NWD2: variants seen among roughly 807,000 people sequenced by gnomAD.
NWD2 encodes NACHT and WD repeat domain containing 2.
NWD2 carries 37 observed loss-of-function variants against 132.7 expected under a neutral mutation model. That is an observed-to-expected ratio of 0.28 (90% CI 0.21 to 0.37). The LOEUF (loss-of-function observed/expected upper bound fraction) is 0.37, where lower values mean the gene tolerates loss of function less well. NWD2 is among the 10% of genes least tolerant of loss of function. The pLI, the probability that NWD2 is intolerant of heterozygous loss-of-function variation, is 1.00. For synonymous variants in NWD2, 705 were observed against 803.0 expected, an observed-to-expected ratio of 0.88 and a Z score of 2.06; for missense variants, 1,592 against 2,122.4, an observed-to-expected ratio of 0.75 and a Z score of 4.91.
At chr4:37,283,613 A>C (rs2109269177) in intron 1 of NWD2, among the ~76,000 whole-genome samples, 1 of 152,320 alleles carries the variant, frequency 6.6e-6, no homozygotes, top group African/African-American at 2.4e-5. Flanking sequence ...GTAAGACCCC[A>C]CAGTGTGTAA....
intron 1 of NWD2, among the ~76,000 whole-genome samples, chr4:37,275,491 G>A (rs1193561488): frequency 1.3e-5 from 2 of 152,110 alleles, no homozygotes; most frequent in African/African-American, 4.8e-5. Flanking sequence ...CGTGAAAATG[G>A]CCATACTGCC....
intron 3 of NWD2, among the ~76,000 whole-genome samples, chr4:37,390,498 C>T (rs1577687865): frequency 6.6e-6 from 1 of 151,758 alleles, no homozygotes. Context: ...GGGATGAATA[C>T]TGGAATTACC....
intron 3 of NWD2, among the ~76,000 whole-genome samples, chr4:37,379,162 G>A (rs992479812): frequency 6.6e-6 from 1 of 152,182 alleles, no homozygotes; most frequent in African/African-American, 2.4e-5. Context: ...TTATCCAGTG[G>A]TTTTTATACC....
At chr4:37,289,538 A>G (rs913250413) in intron 1 of NWD2, among the ~76,000 whole-genome samples, 2 of 152,178 alleles carry the variant, frequency 1.3e-5, no homozygotes, top group Admixed American at 1.3e-4. Flanking sequence ...TATTTTTATT[A>G]TATGTATTTC....
At chr4:37,349,266 C>A (rs1273476165) in intron 2 of NWD2, among the ~76,000 whole-genome samples, 1 of 152,160 alleles carries the variant, frequency 6.6e-6, no homozygotes, top group African/African-American at 2.4e-5. Context: ...ACACTGTCTT[C>A]CACAGTGGTC....
At position 37,318,020 on chromosome 4, in the gene NWD2, C is replaced by CTT. The variant is rs71185128; in HGVS notation, c.152-7899_152-7898dup. On this transcript the variant is annotated intron_variant, in intron 1 of 6. Coordinates refer to ENST00000309447, the MANE Select transcript of NWD2 (RefSeq NM_001144990.2). ...CTAATTTCTTTTTTCTTTTTTCTTT[C>CTT]TTTTTTTTTTTTTTTTTTGAGACGA... 2.9e-3 allele frequency among the ~76,000 whole-genome samples: 325 copies of CTT among 113,312 alleles called. 1 individual carries two copies. Among genetic ancestry groups the CTT allele is most frequent in the African/African-American group, 5.6e-3 (137 of 24,590 alleles). 74.3% of individuals were successfully genotyped at this position (113,312 alleles called of 152,430 possible). A position where few individuals can be genotyped will look rare whatever the true frequency, so the allele number is the denominator to read the frequency against.
At chr4:37,424,171 C>G (rs1459324853) in intron 3 of NWD2, among the ~76,000 whole-genome samples, 1 of 152,184 alleles carries the variant, frequency 6.6e-6, no homozygotes, top group African/African-American at 2.4e-5. Flanking sequence ...TCCTTGTGAA[C>G]AGTGCCCCAT....
At chr4:37,311,124 T>C (rs1718832597) in intron 1 of NWD2, among the ~76,000 whole-genome samples, 1 of 152,110 alleles carries the variant, frequency 6.6e-6, no homozygotes, top group Non-Finnish European at 1.5e-5. Flanking sequence ...AGCAGCGTGA[T>C]TTATAGTCCT....
intron 3 of NWD2, among the ~76,000 whole-genome samples, chr4:37,423,722 A>G (rs1309289254): frequency 1.3e-5 from 2 of 152,186 alleles, no homozygotes; most frequent in Non-Finnish European, 2.9e-5. Flanking sequence ...CAGAAACAAC[A>G]TCACATACCT....
intron 3 of NWD2, among the ~76,000 whole-genome samples, chr4:37,357,339 T>C (rs1370865378): frequency 6.6e-6 from 1 of 152,196 alleles, no homozygotes; most frequent in Non-Finnish European, 1.5e-5. Flanking sequence ...GTGTTCTTAA[T>C]ATTTATTTGC....
In NWD2 at chr4:37,352,158, G is replaced by T. The variant is rs112124691; in HGVS notation, c.241-4208G>T. Reference sequence around the variant, plus strand: ...TGCTGAGAAGAATGTATATTCTGTTGATTTGGGGTGGAGAGTTCTGTAGGT... The same window carrying T: ...TGCTGAGAAGAATGTATATTCTGTTTATTTGGGGTGGAGAGTTCTGTAGGT... On this transcript the variant is annotated intron_variant, in intron 2 of 6. Coordinates refer to ENST00000309447, the MANE Select transcript of NWD2 (RefSeq NM_001144990.2). Among the ~76,000 whole-genome samples the T allele has an allele frequency of 5.1e-3, 778 of 152,298 alleles. 10 individuals are homozygous for T. The highest frequency in any genetic ancestry group is 0.018 in the African/African-American group (735 of 41,568).
intron 3 of NWD2, among the ~76,000 whole-genome samples, chr4:37,406,189 G>T (rs1720999112): frequency 6.6e-6 from 1 of 152,192 alleles, no homozygotes; most frequent in Non-Finnish European, 1.5e-5. Flanking sequence ...AATAAATGCA[G>T]AGTAAGTGAT....
chr4:37,446,923 A>C lies in NWD2; in HGVS notation c.4935A>C (p.Val1645=). ...FDDGSIGIYT[V]VDRVDAALKI... ...ATGGGAGTATAGGGATCTACACGGT[A>C]GTAGACCGTGTAGATGCTGCACTGA... The change falls in exon 7 of 7, where the codon GTA becomes GTC. Residue 1645 remains valine, a synonymous_variant. Coordinates refer to ENST00000309447, the MANE Select transcript of NWD2 (RefSeq NM_001144990.2). The surrounding 1 kb of genome is among the most constrained non-coding windows in gnomAD (Gnocchi z 6.7). 6 of 1,551,562 alleles carry C rather than the reference A, an allele frequency of 3.9e-6. No individual in the cohort carries two copies. Among genetic ancestry groups the C allele is most frequent in the Admixed American group, 3.9e-5 (2 of 51,006 alleles).
At chr4:37,269,787 A>G (rs1190587615) in intron 1 of NWD2, among the ~76,000 whole-genome samples, 1 of 151,878 alleles carries the variant, frequency 6.6e-6, no homozygotes. Context: ...GGTTGTTTCC[A>G]GTATTTGCTC....
intron 2 of NWD2, among the ~76,000 whole-genome samples, chr4:37,348,675 T>TATATACATACAC (rs1308407988): frequency 4.4e-5 from 1 of 22,572 alleles, no homozygotes. Context: ...TATATATATA[T>TATATACATACAC]ACACACACAC....
chr4:37,312,579 G>C (rs567229651), intron 1 of NWD2, among the ~76,000 whole-genome samples: 5,279 of 150,770 alleles, frequency 0.035, 610 homozygotes, highest in African/African-American at 0.12. Context: ...CTGCAAACAG[G>C]GACAATTTGA....
chr4:37,414,508 C>G (rs1169783780), intron 3 of NWD2, among the ~76,000 whole-genome samples: 1 of 151,340 alleles, frequency 6.6e-6, no homozygotes, highest in African/African-American at 2.4e-5. Context: ...AGATAAATTA[C>G]CTTTATGCTC....
At position 37,446,537 on chromosome 4, in the gene NWD2, G is replaced by T. The variant is rs373505936; in HGVS notation, c.4549G>T (p.Val1517Leu). The T allele has an allele frequency of 6.4e-7, 1 of 1,551,710 alleles. No homozygotes were observed. Among genetic ancestry groups the T allele is most frequent in the East Asian group, 2.4e-5 (1 of 40,922 alleles). ...SLTDEVICRR[V>L]QLPNNFLKNL... ...GACAGATGAAGTGATCTGTCGGCGC[G>T]TGCAACTTCCAAACAACTTCTTGAA... The change falls in exon 7 of 7, where the codon GTG becomes TTG. Residue 1517 changes from valine to leucine, a missense_variant. By Grantham distance (32) the Val-to-Leu change is conservative. Around this residue, in one of 7 missense-constraint regions of NWD2, gnomAD observed 257 missense variants for 335.0 expected, o/e 0.77. Transcript: ENST00000309447. This position sits in a 1 kb window ranked among gnomAD's most constrained non-coding sequence, Gnocchi z 6.7.
At chr4:37,383,798 A>C (rs1039212138) in intron 3 of NWD2, among the ~76,000 whole-genome samples, 4 of 152,152 alleles carry the variant, frequency 2.6e-5, no homozygotes, top group South Asian at 2.1e-4. Context: ...AGTTTGCAAA[A>C]GTTTTCTGGG....
Sources: gnomAD v4.1 joint callset for allele counts (sites outside exome capture counted in the v4.1 genomes callset) on GRCh38, gnomAD v4.1.1 for gene constraint, gnomAD v4.1.1 regional missense constraint, Gnocchi (gnomAD v3.1) non-coding constraint, MANE v1.5 for transcripts, NCBI Gene and HGNC (gene_info 2026-07-23, HGNC 2026-07-21) for gene names.